The following NRXN1 variants were observed in gnomAD, a reference collection of about 807,000 sequenced individuals.
NRXN1 encodes neurexin-1.
NRXN1 carries 39 observed loss-of-function variants against 150.9 expected under a neutral mutation model. That is an observed-to-expected ratio of 0.26 (90% CI 0.20 to 0.34). The LOEUF (loss-of-function observed/expected upper bound fraction) is 0.34, where lower values mean the gene tolerates loss of function less well. Among genes scored for constraint, NRXN1 ranks in the 10% least tolerant of loss-of-function variants. The pLI is 1.00. For synonymous variants in NRXN1, 924 were observed against 757.0 expected, an observed-to-expected ratio of 1.22 and a Z score of -3.62; for missense variants, 1,815 against 1,949.9, an observed-to-expected ratio of 0.93 and a Z score of 1.30.
chr2:50,636,466 G>T (rs115479103), intron 5 of NRXN1, among the ~76,000 whole-genome samples: 1,540 of 152,154 alleles, frequency 0.01, 37 homozygotes, highest in African/African-American at 0.036. Context: ...TAACATTCTC[G>T]ATTTATTGAG....
Position 50,347,751 on chromosome 2 carries a change from A to G in NRXN1, c.3365-110781T>C, listed in dbSNP as rs962579597. On this transcript the variant is annotated intron_variant, in intron 17 of 22. Transcript: ENST00000401669. This position sits in a 1 kb window ranked among gnomAD's most constrained non-coding sequence, Gnocchi z 4.9. ...AACAGAAAAAGAAAAAGAAAAAGAA[A>G]AAAAGAAAAGAAAAACCACACACGC... is the stretch of plus-strand genomic sequence containing the variant. 7.1e-6 allele frequency: 7 copies of G among 986,374 alleles called. No individual in the cohort carries two copies. The East Asian group carries it at 6.8e-4, about 96-fold the overall frequency. 61.1% of individuals were successfully genotyped at this position (986,374 alleles called of 1,614,324 possible).
At chr2:50,949,722 C>A (rs1234803019) in intron 2 of NRXN1, among the ~76,000 whole-genome samples, 1 of 151,986 alleles carries the variant, frequency 6.6e-6, no homozygotes, top group Non-Finnish European at 1.5e-5. Context: ...CTTGGAAAAA[C>A]TAGGAGGTCA....
chr2:50,844,460 A>G (rs1673340390), intron 5 of NRXN1, among the ~76,000 whole-genome samples: 1 of 152,158 alleles, frequency 6.6e-6, no homozygotes, highest in African/African-American at 2.4e-5. Context: ...GTATTTAGAT[A>G]TATCATGCCT....
chr2:50,959,592 A>T (rs1157845035), intron 2 of NRXN1, among the ~76,000 whole-genome samples: 2 of 152,034 alleles, frequency 1.3e-5, no homozygotes, highest in Non-Finnish European at 1.5e-5. Context: ...GGAACTGGGG[A>T]CAGTGAAGAA....
At chr2:49,958,873 C>T in intron 21 of NRXN1, among the ~76,000 whole-genome samples, 1 of 152,106 alleles carries the variant, frequency 6.6e-6, no homozygotes, top group Admixed American at 6.6e-5. Context: ...CTGCTTTGAG[C>T]TGGAAATCCA....
chr2:50,102,731 A>G (rs1701137930), intron 18 of NRXN1, among the ~76,000 whole-genome samples: 1 of 152,026 alleles, frequency 6.6e-6, no homozygotes, highest in African/African-American at 2.4e-5. Flanking sequence ...ATGAACATTT[A>G]GCATTTTCCA....
rs183452846 is a variant in NRXN1 at position 50,606,547 on chromosome 2, T to C, written c.1320+13475A>G. 1.3e-3 allele frequency among the ~76,000 whole-genome samples: 194 copies of C among 151,268 alleles called. 1 individual carries two copies. The highest frequency in any genetic ancestry group is 4.5e-3 in the African/African-American group (188 of 41,354). ...ATAACATTGTGCCTCTACATAACAA[T>C]ACTATATTGCACATTTACATATTTG... On this transcript the variant is annotated intron_variant, in intron 8 of 22. Transcript: ENST00000401669.
At chr2:50,728,605 T>C (rs1222384109) in intron 5 of NRXN1, among the ~76,000 whole-genome samples, 1 of 152,176 alleles carries the variant, frequency 6.6e-6, no homozygotes, top group Non-Finnish European at 1.5e-5. Context: ...ATGTCCTTTT[T>C]GGATATATGT....
intron 8 of NRXN1, among the ~76,000 whole-genome samples, chr2:50,602,643 C>T (rs981687606): frequency 1.3e-5 from 2 of 151,964 alleles, no homozygotes; most frequent in South Asian, 2.1e-4. Flanking sequence ...CCCTTCTTCC[C>T]TTCCTTTCTT....
intron 8 of NRXN1, among the ~76,000 whole-genome samples, chr2:50,589,881 C>G (rs368391415): frequency 6.6e-6 from 1 of 152,184 alleles, no homozygotes; most frequent in Admixed American, 6.5e-5. Context: ...TTCCTAGGCA[C>G]GTGCACCCTC....
intron 8 of NRXN1, chr2:50,554,608 T>A (rs1392875558): frequency 6.6e-6 from 1 of 152,218 alleles, no homozygotes; most frequent in African/African-American, 2.4e-5. Flanking sequence ...AAGATTTCAA[T>A]AAATATTAAC....
chr2:50,228,322 A>G (rs2064602503), intron 18 of NRXN1, among the ~76,000 whole-genome samples: 1 of 152,028 alleles, frequency 6.6e-6, no homozygotes, highest in South Asian at 2.1e-4. Flanking sequence ...AACATGGCTC[A>G]TATATTTCTC....
At chr2:50,206,567 C>T (rs2062596121) in intron 18 of NRXN1, among the ~76,000 whole-genome samples, 1 of 151,956 alleles carries the variant, frequency 6.6e-6, no homozygotes, top group South Asian at 2.1e-4. Context: ...CAGTATACCA[C>T]ATCCTCTGCA....
chr2:50,132,875 C>A (rs963866295), intron 18 of NRXN1, among the ~76,000 whole-genome samples: 6 of 132,900 alleles, frequency 4.5e-5, no homozygotes, highest in African/African-American at 1.7e-4. Flanking sequence ...TTTTTTTTAC[C>A]TTGCCATCTA....
At chr2:49,934,689 G>A (rs1350948205) in intron 22 of NRXN1, among the ~76,000 whole-genome samples, 2 of 152,166 alleles carry the variant, frequency 1.3e-5, no homozygotes, top group Admixed American at 1.3e-4. Flanking sequence ...GTGTGGGTAG[G>A]TGTGCCTGGT....
intron 21 of NRXN1, among the ~76,000 whole-genome samples, chr2:50,033,231 A>G (rs1343917872): frequency 1.3e-5 from 2 of 152,038 alleles, no homozygotes; most frequent in African/African-American, 4.8e-5. Flanking sequence ...AAAGAATACT[A>G]CAGGGCTACA....
intron 17 of NRXN1, among the ~76,000 whole-genome samples, chr2:50,413,747 A>G (rs775121293): frequency 2.6e-5 from 4 of 152,104 alleles, no homozygotes; most frequent in Non-Finnish European, 5.9e-5. Flanking sequence ...TTGTTGCAGC[A>G]CTCTTTACAA....
chr2:50,211,162 G>C (rs2062986793), intron 18 of NRXN1, among the ~76,000 whole-genome samples: 1 of 151,524 alleles, frequency 6.6e-6, no homozygotes, highest in Admixed American at 6.6e-5. Flanking sequence ...GTTGAGGGAA[G>C]TTCCTCTTAT....
At chr2:50,829,933 A>G (rs1039376694) in intron 5 of NRXN1, among the ~76,000 whole-genome samples, 4 of 143,604 alleles carry the variant, frequency 2.8e-5, no homozygotes, top group African/African-American at 1.0e-4. Context: ...AAGACTCACA[A>G]TGTGAGTTCT....
Sources: allele counts gnomAD v4.1 joint callset (sites outside exome capture counted in the v4.1 genomes callset), GRCh38; gene constraint gnomAD v4.1.1; non-coding constraint Gnocchi (gnomAD v3.1); transcripts MANE v1.5; gene names NCBI Gene and HGNC (gene_info 2026-07-23, HGNC 2026-07-21).